Variants in CCDC39 observed in about 807,000 individuals in gnomAD.
The protein encoded by CCDC39 is coiled-coil domain-containing protein 39.
A neutral mutation model predicts 121.0 loss-of-function variants in CCDC39; 113 were observed. The observed-to-expected ratio is 0.93, with a 90% confidence interval of 0.80 to 1.09. The LOEUF (loss-of-function observed/expected upper bound fraction) is 1.09, where lower values mean the gene tolerates loss of function less well. CCDC39 is among the 50% of genes least tolerant of loss of function. CCDC39 has a pLI of 0.00. For missense variants in CCDC39, 1,063 were observed against 1,074.7 expected, an observed-to-expected ratio of 0.99 and a Z score of 0.15; for synonymous variants, 349 against 352.2, an observed-to-expected ratio of 0.99 and a Z score of 0.10.
intron 1 of CCDC39, among the ~76,000 whole-genome samples, chr3:180,670,081 A>G (rs1198700724): frequency 6.6e-6 from 1 of 152,244 alleles, no homozygotes; most frequent in African/African-American, 2.4e-5. Flanking sequence ...TCTCCTCATA[A>G]CGGGGACATA....
Position 180,642,156 on chromosome 3 carries a change from T to C in CCDC39, c.1711A>G (p.Thr571Ala). The C allele has an allele frequency of 6.2e-7, 1 of 1,610,432 alleles. No individual in the cohort carries two copies. Among genetic ancestry groups the C allele is most frequent in the Non-Finnish European group, 8.5e-7 (1 of 1,177,840 alleles). ...DNLLKLEVKR[T>A]REMLHSKAEE... ...GCCTTACTGTGAAGCATTTCTCGAG[T>C]ACGCTTAACTTCAAGTTTTAAAAGA... Residue 571 changes from threonine to alanine, a missense_variant, in exon 13 of 20, where the codon ACT (threonine) becomes GCT (alanine). By Grantham distance (58) the Thr-to-Ala change is moderately conservative. Coordinates refer to ENST00000476379, the MANE Select transcript of CCDC39 (RefSeq NM_181426.2).
intron 1 of CCDC39, among the ~76,000 whole-genome samples, chr3:180,673,281 A>T (rs956737381): frequency 4.6e-5 from 7 of 152,248 alleles, no homozygotes; most frequent in African/African-American, 7.2e-5. Flanking sequence ...ATCAAACATT[A>T]TTGCATGCTA....
In CCDC39 at chr3:180,659,742, T is replaced by C. The variant is rs1474569192; in HGVS notation, c.544A>G (p.Thr182Ala). The change falls in exon 5 of 20, where the codon ACT becomes GCT. Residue 182 changes from threonine (T) to alanine (A), a missense_variant. By Grantham distance (58) the Thr-to-Ala change is moderately conservative (BLOSUM62 0). Transcript: ENST00000476379. ...RALTLQLERL[T>A]LECNQKRKIL... ...TTTCTTTTCTGATTACATTCCAAAG[T>C]TAGTCTTTCTAATTGCAGAGTCAGT... is the stretch of plus-strand genomic sequence containing the variant. 1 of 1,611,824 alleles carries C rather than the reference T, an allele frequency of 6.2e-7. No homozygotes were observed. The highest frequency in any genetic ancestry group is 1.1e-5 in the South Asian group (1 of 90,922).
intron 1 of CCDC39, among the ~76,000 whole-genome samples, chr3:180,675,182 T>C (rs1044539611): frequency 2.6e-5 from 4 of 152,170 alleles, no homozygotes; most frequent in Non-Finnish European, 5.9e-5. Flanking sequence ...TATTCAGAGA[T>C]TCAACTTCTT....
chr3:180,651,896 G>A (rs1560089868), intron 8 of CCDC39, among the ~76,000 whole-genome samples: 2 of 152,078 alleles, frequency 1.3e-5, no homozygotes, highest in South Asian at 4.1e-4. Context: ...AATTAGCTGG[G>A]CCTGCTGGCG....
At chr3:180,631,186 C>G (rs921387926) in intron 14 of CCDC39, among the ~76,000 whole-genome samples, 1 of 152,188 alleles carries the variant, frequency 6.6e-6, no homozygotes, top group African/African-American at 2.4e-5. Flanking sequence ...AGGAAGACTT[C>G]TGGAGCAAGT....
At position 180,647,151 on chromosome 3, in the gene CCDC39, A is replaced by T; in HGVS notation, c.1455T>A (p.Val485=). The T allele has an allele frequency of 2.5e-6, 4 of 1,612,270 alleles. No homozygotes were observed. The highest frequency in any genetic ancestry group is 3.4e-6 in the Non-Finnish European group (4 of 1,179,184). The change falls in exon 11 of 20, where the codon GTT becomes GTA. Residue 485 remains valine, a synonymous_variant. Transcript: ENST00000476379. ...EEKQALEAKI[V]ELRKSLEEKK... ...TCTCTTCCAAAGACTTCCTAAGTTCAACAATTTTTGCTTCAAGCGCTTGTT... is the reference window on the plus strand; with the variant it reads ...TCTCTTCCAAAGACTTCCTAAGTTCTACAATTTTTGCTTCAAGCGCTTGTT...
Position 180,661,948 on chromosome 3 carries a change from A to C in CCDC39, c.270T>G (p.Ala90=), listed in dbSNP as rs757962474. 1.3e-5 allele frequency: 20 copies of C among 1,566,508 alleles called. No homozygotes were observed. Among genetic ancestry groups the C allele is most frequent in the Non-Finnish European group, 1.6e-5 (19 of 1,153,882 alleles). ...CTTTCACTCGTCCCAATTCTCTTTG[A>C]GCAATGGCCTTAAAATGTTCTTCAC... The part of the protein sequence containing the change: ...TESEEHFKAI[A]QRELGRVKDE... Residue 90 remains alanine (A), a synonymous_variant, in exon 3 of 20, where the codon GCT becomes GCG. Coordinates refer to ENST00000476379, the MANE Select transcript of CCDC39 (RefSeq NM_181426.2).
At chr3:180,677,168 TTATATATATATA>T (rs58408770) in intron 1 of CCDC39, among the ~76,000 whole-genome samples, 2,990 of 35,170 alleles carry the variant, frequency 0.085, 175 homozygotes, top group Non-Finnish European at 0.12. Context: ...AATAATAATT[TTATATATATATA>T]TATATATATA....
chr3:180,663,572 A>G (rs992063092), intron 2 of CCDC39, among the ~76,000 whole-genome samples: 1 of 151,602 alleles, frequency 6.6e-6, no homozygotes, highest in Non-Finnish European at 1.5e-5. Flanking sequence ...CGGGAGGCTG[A>G]GGCATGAGAA....
chr3:180,658,032 G>A (rs1711626602), intron 6 of CCDC39, among the ~76,000 whole-genome samples: 1 of 151,688 alleles, frequency 6.6e-6, no homozygotes, highest in Non-Finnish European at 1.5e-5. Flanking sequence ...TCAGGAGTTC[G>A]AGACCAGCCT....
At chr3:180,635,748 T>C (rs1717810009) in intron 13 of CCDC39, among the ~76,000 whole-genome samples, 2 of 152,188 alleles carry the variant, frequency 1.3e-5, no homozygotes, top group African/African-American at 2.4e-5. Flanking sequence ...CAGGCTGATA[T>C]TGAGTACCTG....
In CCDC39 at chr3:180,616,617, G is replaced by A. The variant is rs781020567; in HGVS notation, c.2485C>T (p.Arg829Cys). 5.6e-5 allele frequency: 90 copies of A among 1,594,166 alleles called. No individual in the cohort carries two copies. The highest frequency in any genetic ancestry group is 7.1e-5 in the Non-Finnish European group (83 of 1,170,350). Residue 829 changes from arginine (R) to cysteine (C), a missense_variant, in exon 18 of 20, where the codon CGT becomes TGT. Transcript: ENST00000476379. ...ETMEEQDIKL[R>C]EMKQFHKVID... ...ACTTTGTGAAACTGTTTCATTTCAC[G>A]AAGTTTGATGTCTTGTTCTTCCATT...
intron 7 of CCDC39, among the ~76,000 whole-genome samples, chr3:180,654,447 T>C (rs1455832465): frequency 6.6e-6 from 1 of 151,602 alleles, no homozygotes; most frequent in African/African-American, 2.4e-5. Flanking sequence ...CAAGCAGGAC[T>C]ACATCAAACT....
chr3:180,628,264 G>T (rs1364402725), intron 14 of CCDC39, among the ~76,000 whole-genome samples: 1 of 152,116 alleles, frequency 6.6e-6, no homozygotes, highest in Non-Finnish European at 1.5e-5. Flanking sequence ...AGGCTAGAGT[G>T]CAGTGGTGCA....
chr3:180,648,084 G>T, intron 10 of CCDC39, 81 bp downstream of exon 10: 1 of 1,159,040 alleles, frequency 8.6e-7, no homozygotes. Flanking sequence ...ATAATTCTTT[G>T]TTTTCTTAGA....
chr3:180,644,478 T>C (rs985845605), intron 11 of CCDC39, among the ~76,000 whole-genome samples: 1 of 152,286 alleles, frequency 6.6e-6, no homozygotes, highest in Middle Eastern at 3.4e-3. Flanking sequence ...GTTTTGGATG[T>C]AGTATGAGTT....
rs1396779294 is a variant in CCDC39, at chr3:180,637,753, AAAGAAT to A, written c.1874+4234_1874+4239del. Among the ~76,000 whole-genome samples, 13 of 152,326 alleles carry A rather than the reference AAAGAAT, an allele frequency of 8.5e-5. No homozygotes were observed. The East Asian group carries it at 2.5e-3, about 29-fold the overall frequency. ...CCATGGAATACAATGCAGCCATAAA[AAAGAAT>A]AAGATCTTGTGTTTCATGGGAACGT... On this transcript the variant is annotated intron_variant, in intron 13 of 19. Transcript: ENST00000476379.
intron 13 of CCDC39, among the ~76,000 whole-genome samples, chr3:180,633,402 G>A (rs1209656187): frequency 6.6e-6 from 1 of 152,186 alleles, no homozygotes; most frequent in Non-Finnish European, 1.5e-5. Context: ...AGAGGATATT[G>A]ATTCCAAAAA....
Sources: gnomAD v4.1 joint callset for allele counts (sites outside exome capture counted in the v4.1 genomes callset) on GRCh38, gnomAD v4.1.1 for gene constraint, MANE v1.5 for transcripts, NCBI Gene and HGNC (gene_info 2026-07-23, HGNC 2026-07-21) for gene names.